Variants in SIRT4 observed in about 807,000 individuals in gnomAD.
SIRT4 encodes NAD-dependent protein lipoamidase sirtuin-4, mitochondrial.
SIRT4 carries 23 observed loss-of-function variants against 26.1 expected under a neutral mutation model. The ratio of observed to expected loss-of-function variants is 0.88; its 90% CI spans 0.63 to 1.25. The LOEUF is 1.25. Ranked by LOEUF, SIRT4 falls within the 50% of genes most tolerant of loss-of-function variation. The pLI is 0.00. For synonymous variants in SIRT4, 155 were observed against 158.4 expected (o/e 0.98, Z 0.16); for missense variants, 361 against 405.4 (o/e 0.89, Z 0.94).
the SIRT4 span, among the ~76,000 whole-genome samples, chr12:120,296,964 C>T: frequency 7.9e-5 from 12 of 152,042 alleles, no homozygotes; most frequent in African/African-American, 2.6e-4. Flanking sequence ...GTGGCTCACG[C>T]CTGTAATCCC....
intron 2 of SIRT4, among the ~76,000 whole-genome samples, chr12:120,304,803 T>TTATATATATA (rs1254801981): frequency 8.3e-4 from 50 of 60,374 alleles, no homozygotes; most frequent in African/African-American, 1.2e-3. Flanking sequence ...AAAGTAAATT[T>TTATATATATA]TATATATATA....
chr12:120,304,835 ATTTTTTTTTTTTTTT>A (rs1169655844), intron 2 of SIRT4, among the ~76,000 whole-genome samples: 1 of 24,864 alleles, frequency 4.0e-5, no homozygotes, highest in Non-Finnish European at 8.5e-5. Context: ...ATATATATAT[ATTTTTTTTTTTTTTT>A]TTTTTTTTTA....
At chr12:120,299,748 A>G (rs1872479456), upstream of SIRT4, among the ~76,000 whole-genome samples, 2 of 152,116 alleles carry the variant, frequency 1.3e-5, no homozygotes, top group South Asian at 4.1e-4. Flanking sequence ...GCACAATCAT[A>G]TCAAAGTTTG....
rs939877494 is a variant in SIRT4 at position 120,313,097 on chromosome 12, G to A, written c.*61G>A. 1.1e-5 allele frequency: 18 copies of A among 1,588,388 alleles called. No individual in the cohort carries two copies. In the African/African-American group the frequency reaches 2.0e-4, roughly 18 times the overall value. ...TTTCACTTGAATCTTGCTGCTAAAT[G>A]TAAATGCCTTCTCAAATGACAGATT... On this transcript the variant is annotated 3_prime_UTR_variant, in exon 4 of 4. Transcript: ENST00000202967.
chr12:120,293,170 T>G, the SIRT4 span: 1 of 152,058 alleles, frequency 6.6e-6, no homozygotes, highest in African/African-American at 2.4e-5. Flanking sequence ...TTGGGAAAAG[T>G]TTTCAATTAG....
In SIRT4 at chr12:120,303,614, C is replaced by T. The variant is rs1173847096; in HGVS notation, c.53C>T (p.Ala18Val). The T allele has an allele frequency of 6.2e-7, 1 of 1,614,008 alleles. No individual in the cohort carries two copies. The highest frequency in any genetic ancestry group is 1.1e-5 in the South Asian group (1 of 91,082). ...AGGTCAGCAAAAGGCCGTTGGATCG[C>T]AAACCCCAGCCAGCCGTGCTCGAAA... ...TFRSAKGRWIANPSQPCSKAS... is the reference protein window; with the variant it reads ...TFRSAKGRWIVNPSQPCSKAS... The change falls in exon 2 of 4, where the codon GCA becomes GTA. Residue 18 changes from alanine to valine, a missense_variant. Ala to Val is a moderately conservative substitution (Grantham distance 64). Coordinates refer to ENST00000202967, the MANE Select transcript of SIRT4 (RefSeq NM_012240.3).
At chr12:120,306,295 G>T (rs1209310774) in intron 2 of SIRT4, among the ~76,000 whole-genome samples, 1 of 151,742 alleles carries the variant, frequency 6.6e-6, no homozygotes, top group Non-Finnish European at 1.5e-5. Context: ...GACCAACATG[G>T]AGAAACCCTG....
chr12:120,293,358 A>C, the SIRT4 span: 1 of 152,170 alleles, frequency 6.6e-6, no homozygotes, highest in African/African-American at 2.4e-5. Flanking sequence ...ACAATCATAG[A>C]AAGATGTTTG....
At chr12:120,294,340 GT>G in the SIRT4 span, among the ~76,000 whole-genome samples, 2 of 151,042 alleles carry the variant, frequency 1.3e-5, no homozygotes, top group Admixed American at 1.3e-4. Context: ...TTTTGCTTTT[GT>G]TGCCCAGGCT....
intron 2 of SIRT4, among the ~76,000 whole-genome samples, chr12:120,312,096 G>A (rs182522636): frequency 3.3e-5 from 5 of 152,034 alleles, no homozygotes; most frequent in East Asian, 1.9e-4. Context: ...CAGCCTGGGC[G>A]ACACAGTGAA....
the SIRT4 span, among the ~76,000 whole-genome samples, chr12:120,292,878 ACC>A: frequency 6.6e-6 from 1 of 152,222 alleles, no homozygotes; most frequent in Non-Finnish European, 1.5e-5. Context: ...CCCTGCTTTT[ACC>A]TTAAAAGTAG....
rs1186626476 is a variant in SIRT4, at chr12:120,312,752, T to C, written c.792+2T>C. 1 of 1,611,448 alleles carries C rather than the reference T, an allele frequency of 6.2e-7. No homozygotes were observed. The highest frequency in any genetic ancestry group is 2.2e-5 in the East Asian group (1 of 44,876). On this transcript the variant is annotated splice_donor_variant, in intron 3 of 3. Coordinates refer to ENST00000202967, the MANE Select transcript of SIRT4 (RefSeq NM_012240.3). LOFTEE classifies it high-confidence loss of function. The stretch of plus-strand genomic sequence containing the variant: ...TTGGTGGTGGGATCATCCTTGCAGG[T>C]ATCTGACTTGGCAAGAGTGGTAACC...
the SIRT4 span, chr12:120,293,065 A>T: frequency 7.8e-6 from 1 of 127,672 alleles, no homozygotes; most frequent in South Asian, 3.1e-4. Context: ...ACACAAAAAA[A>T]GCCTCTGTTG....
rs112309656 is a variant in SIRT4 at position 120,304,076 on chromosome 12, G to C, written c.497+18G>C. 8 of 1,600,650 alleles carry C rather than the reference G, an allele frequency of 5.0e-6. No homozygotes were observed. The highest frequency in any genetic ancestry group is 6.8e-6 in the Non-Finnish European group (8 of 1,178,396). The stretch of plus-strand genomic sequence containing the variant: ...ATGGACAGGTGCAGGAGCTGTACAC[G>C]GTTTGAACGCAAACCCGTGTGTTGT... On this transcript the variant is annotated intron_variant, in intron 2 of 3. Coordinates refer to ENST00000202967, the MANE Select transcript of SIRT4 (RefSeq NM_012240.3).
chr12:120,312,494 G>C lies in SIRT4; in HGVS notation c.536G>C (p.Gly179Ala). ...GATTGTGGGGAACAGACTCCCCGGG[G>C]GGTGCTGCAAGAGCGTTTCCAAGTC... The part of the protein sequence containing the change: ...CLDCGEQTPR[G>A]VLQERFQVLN... Residue 179 changes from glycine (G) to alanine (A), a missense_variant, in exon 3 of 4, where the codon GGG (glycine) becomes GCG (alanine). By Grantham distance (60) the Gly-to-Ala change is moderately conservative. Transcript: ENST00000202967. The C allele has an allele frequency of 6.2e-7, 1 of 1,614,006 alleles. No homozygotes were observed. Among genetic ancestry groups the C allele is most frequent in the Non-Finnish European group, 8.5e-7 (1 of 1,179,986 alleles).
chr12:120,305,251 GTGTGT>G (rs1441284162), intron 2 of SIRT4, among the ~76,000 whole-genome samples: 7 of 151,512 alleles, frequency 4.6e-5, no homozygotes, highest in Non-Finnish European at 8.8e-5. Flanking sequence ...ACGTGTGTGT[GTGTGT>G]GTGTGTGTGT....
chr12:120,291,804 T>C, the SIRT4 span: 5 of 152,332 alleles, frequency 3.3e-5, no homozygotes, highest in African/African-American at 7.2e-5. Flanking sequence ...CCGACTATAT[T>C]TCAAGTCGTC....
At chr12:120,304,166 C>T (rs1872654756) in intron 2 of SIRT4, 108 bp downstream of exon 2, 6 of 1,390,202 alleles carry the variant, frequency 4.3e-6, no homozygotes, top group Non-Finnish European at 5.8e-6. Flanking sequence ...AAAAGGATTT[C>T]AGAGCAAGTT....
chr12:120,304,825 ATATATATATATTT>A (rs1566463423), intron 2 of SIRT4, among the ~76,000 whole-genome samples: 3 of 18,138 alleles, frequency 1.7e-4, no homozygotes, highest in South Asian at 4.8e-3. Flanking sequence ...ATATATATAT[ATATATATATATTT>A]TTTTTTTTTT....
Sources: allele counts gnomAD v4.1 joint callset (sites outside exome capture counted in the v4.1 genomes callset), GRCh38; gene constraint gnomAD v4.1.1; transcripts MANE v1.5; gene names NCBI Gene and HGNC (gene_info 2026-07-23, HGNC 2026-07-21).